The following FMN2 variants were observed in gnomAD, a reference collection of about 807,000 sequenced individuals.
FMN2 encodes the protein formin 2.
Under a neutral mutation model 142.3 loss-of-function variants are expected in FMN2, and 51 were observed. The observed-to-expected ratio is 0.36, with a 90% confidence interval of 0.29 to 0.45. The LOEUF (loss-of-function observed/expected upper bound fraction) is 0.45, where lower values mean the gene tolerates loss of function less well. Ranked by LOEUF, FMN2 falls within the 20% of genes least tolerant of loss-of-function variation. The pLI, the probability that FMN2 is intolerant of heterozygous loss-of-function variation, is 1.00. For missense variants in FMN2, 1,936 were observed against 2,122.8 expected (o/e 0.91, Z 1.73); for synonymous variants, 882 against 869.8 (o/e 1.01, Z -0.25).
In FMN2 at chr1:240,093,179, C is replaced by G. The variant is rs917891790; in HGVS notation, c.1070C>G (p.Ala357Gly). Residue 357 changes from alanine (A) to glycine (G), a missense_variant, in exon 1 of 18, where the codon GCG becomes GGG. Transcript: ENST00000319653. ...EEGEEDAFED[A>G]PRGSPGEEWA... Reference sequence around the variant, plus strand: ...GGTGAGGAGGATGCTTTTGAGGATGCGCCCCGGGGCTCTCCGGGGGAGGAG... The same window carrying G: ...GGTGAGGAGGATGCTTTTGAGGATGGGCCCCGGGGCTCTCCGGGGGAGGAG... 1 of 1,450,586 alleles carries G rather than the reference C, an allele frequency of 6.9e-7. No individual in the cohort carries two copies. 89.9% of individuals were successfully genotyped at this position (1,450,586 alleles called of 1,614,324 possible).
chr1:240,150,607 AC>A (rs1163425553), intron 2 of FMN2, among the ~76,000 whole-genome samples: 2 of 152,170 alleles, frequency 1.3e-5, no homozygotes, highest in Non-Finnish European at 2.9e-5. Flanking sequence ...CTCAACTCTT[AC>A]CAACGGTGTG....
intron 16 of FMN2, among the ~76,000 whole-genome samples, chr1:240,440,600 G>A (rs928918151): frequency 6.6e-6 from 1 of 152,104 alleles, no homozygotes; most frequent in Non-Finnish European, 1.5e-5. Flanking sequence ...GTTGCGAATT[G>A]GCAGTTTACA....
intron 13 of FMN2, among the ~76,000 whole-genome samples, chr1:240,337,105 G>T (rs528869488): frequency 6.6e-6 from 1 of 151,006 alleles, no homozygotes; most frequent in Non-Finnish European, 1.5e-5. Flanking sequence ...CTAAATGGGA[G>T]TCAAACGGAA....
intron 14 of FMN2, among the ~76,000 whole-genome samples, chr1:240,359,915 C>A (rs1275998198): frequency 6.6e-6 from 1 of 152,104 alleles, no homozygotes; most frequent in African/African-American, 2.4e-5. Flanking sequence ...CTTGCCGTAC[C>A]CCTGTACCTA....
intron 14 of FMN2, among the ~76,000 whole-genome samples, chr1:240,379,019 C>T (rs1326707611): frequency 6.6e-6 from 1 of 152,178 alleles, no homozygotes; most frequent in East Asian, 1.9e-4. Context: ...AAGTGCTAGA[C>T]ACTATGCACA....
chr1:240,376,791 A>G lies in FMN2; in HGVS notation c.4859-15720A>G, dbSNP rs148249098. On this transcript the variant is annotated intron_variant, in intron 14 of 17. Coordinates refer to ENST00000319653, the MANE Select transcript of FMN2 (RefSeq NM_020066.5). The stretch of plus-strand genomic sequence containing the variant: ...CTCCCATGGATATTGAGGGACAACT[A>G]TATTTCATCTTATTTCCACCATTGG... Among the ~76,000 whole-genome samples the G allele has an allele frequency of 4.2e-3, 632 of 152,262 alleles. 3 individuals are homozygous for G. Among genetic ancestry groups the G allele is most frequent in the African/African-American group, 0.015 (606 of 41,570 alleles).
At chr1:240,248,341 C>T (rs984437471) in intron 6 of FMN2, among the ~76,000 whole-genome samples, 28 of 143,452 alleles carry the variant, frequency 2.0e-4, no homozygotes, top group Non-Finnish European at 1.5e-5. Flanking sequence ...GGATAATATT[C>T]TGTTGTGTAT....
chr1:240,143,638 A>G lies in FMN2; in HGVS notation c.1782+20293A>G. The G allele has an allele frequency of 2.5e-6, 4 of 1,610,056 alleles. No individual in the cohort carries two copies. In the South Asian group the frequency reaches 4.4e-5, roughly 18 times the overall value. ...AAAACTGCGGAATGGCTCTGATGCA[A>G]CCTCCAGTGCAGCCAGGATTGCCTC... On this transcript the variant is annotated intron_variant, in intron 2 of 17. Transcript: ENST00000319653.
intron 16 of FMN2, among the ~76,000 whole-genome samples, chr1:240,441,200 G>A (rs1675604793): frequency 6.6e-6 from 1 of 151,972 alleles, no homozygotes; most frequent in Non-Finnish European, 1.5e-5. Context: ...TCACCATGTT[G>A]GCCAGGATGG....
chr1:240,138,248 G>C (rs553255963), intron 2 of FMN2, among the ~76,000 whole-genome samples: 2 of 151,974 alleles, frequency 1.3e-5, no homozygotes, highest in African/African-American at 4.8e-5. Flanking sequence ...TTTAGAGAGA[G>C]CATTCTGGGT....
At chr1:240,447,430 A>G (rs908187538) in intron 16 of FMN2, among the ~76,000 whole-genome samples, 7 of 152,214 alleles carry the variant, frequency 4.6e-5, no homozygotes, top group African/African-American at 1.7e-4. Flanking sequence ...GCCAGTAAAC[A>G]CATGAAAAGA....
intron 6 of FMN2, among the ~76,000 whole-genome samples, chr1:240,225,175 C>T (rs1457903332): frequency 1.3e-5 from 2 of 152,314 alleles, no homozygotes; most frequent in Non-Finnish European, 2.9e-5. Flanking sequence ...TTGCAGTCAT[C>T]TCTGGCAGTC....
At chr1:240,135,789 C>T (rs531937449) in intron 2 of FMN2, among the ~76,000 whole-genome samples, 108 of 151,406 alleles carry the variant, frequency 7.1e-4, no homozygotes, top group African/African-American at 2.4e-3. Context: ...AAGCGATTCT[C>T]GTGTCTCAGC....
intron 15 of FMN2, among the ~76,000 whole-genome samples, chr1:240,397,959 A>G (rs1291879582): frequency 6.6e-6 from 1 of 151,528 alleles, no homozygotes; most frequent in Admixed American, 6.6e-5. Flanking sequence ...GAAAAAATGT[A>G]TTAAAGAAGT....
At chr1:240,401,637 T>C (rs145079237) in intron 15 of FMN2, among the ~76,000 whole-genome samples, 2,264 of 152,328 alleles carry the variant, frequency 0.015, 65 homozygotes, top group African/African-American at 0.05. Flanking sequence ...TTGAGAGTTA[T>C]TTACAGATAA....
intron 7 of FMN2, among the ~76,000 whole-genome samples, chr1:240,267,889 G>A (rs986952436): frequency 1.1e-4 from 16 of 151,922 alleles, no homozygotes; most frequent in Non-Finnish European, 1.8e-4. Flanking sequence ...ACATACAAGT[G>A]GCCAACAAAC....
At chr1:240,362,470 A>G (rs1323630572) in intron 14 of FMN2, among the ~76,000 whole-genome samples, 1 of 152,138 alleles carries the variant, frequency 6.6e-6, no homozygotes, top group Non-Finnish European at 1.5e-5. Context: ...CTGGGGACTC[A>G]TGTTTTCCTA....
At chr1:240,227,959 A>G (rs1667373939) in intron 6 of FMN2, among the ~76,000 whole-genome samples, 1 of 152,160 alleles carries the variant, frequency 6.6e-6, no homozygotes, top group African/African-American at 2.4e-5. Context: ...CTGAATATCT[A>G]AATAACTCCT....
At position 240,188,269 on chromosome 1, in the gene FMN2, T is replaced by C. The variant is rs765089494; in HGVS notation, c.1986+7T>C. The stretch of plus-strand genomic sequence containing the variant: ...CTCAGATGCTGTCCAGAAGGTAAGA[T>C]GATCTTATTAGGATGTCAGATTCCC... On this transcript the variant is annotated splice_region_variant and intron_variant, in intron 4 of 17. Coordinates refer to ENST00000319653, the MANE Select transcript of FMN2 (RefSeq NM_020066.5). 5 of 1,612,744 alleles carry C rather than the reference T, an allele frequency of 3.1e-6. No homozygotes were observed. The highest frequency in any genetic ancestry group is 1.3e-5 in the African/African-American group (1 of 74,884).
Sources: allele counts gnomAD v4.1 joint callset (sites outside exome capture counted in the v4.1 genomes callset), GRCh38; gene constraint gnomAD v4.1.1; transcripts MANE v1.5; gene names NCBI Gene and HGNC (gene_info 2026-07-23, HGNC 2026-07-21).